ENTREP1: variants seen among roughly 807,000 people sequenced by gnomAD.
ENTREP1 encodes the protein endosomal transmembrane epsin interactor 1.
the ENTREP1 span, among the ~76,000 whole-genome samples, chr9:69,345,179 CG>C: frequency 7.9e-5 from 12 of 151,960 alleles, no homozygotes; most frequent in Non-Finnish European, 1.3e-4. Context: ...GAGGCTGGGT[CG>C]GGGTGTCAGG....
the ENTREP1 span, among the ~76,000 whole-genome samples, chr9:69,338,034 T>C: frequency 6.6e-6 from 1 of 152,222 alleles, no homozygotes; most frequent in African/African-American, 2.4e-5. Context: ...TTGATGGTCT[T>C]GAAAAACTAA....
the ENTREP1 span, among the ~76,000 whole-genome samples, chr9:69,343,486 T>C: frequency 6.6e-6 from 1 of 152,160 alleles, no homozygotes; most frequent in Non-Finnish European, 1.5e-5. Flanking sequence ...TCATCCAGGC[T>C]CCTGAGTGAA....
At chr9:69,379,606 A>G in the ENTREP1 span, 125,015 of 152,206 alleles carry the variant, frequency 0.82, 51,393 homozygotes, top group South Asian at 0.89. Flanking sequence ...ACACATTTGC[A>G]AAAATCTTAG....
At chr9:69,383,997 G>A in the ENTREP1 span, 1 of 1,613,104 alleles carries the variant, frequency 6.2e-7, no homozygotes, top group East Asian at 2.2e-5. Flanking sequence ...TGATCCCATT[G>A]GATCTGGGCT....
the ENTREP1 span, chr9:69,388,213 G>C: frequency 6.2e-7 from 1 of 1,614,040 alleles, no homozygotes; most frequent in Non-Finnish European, 8.5e-7. Context: ...GACTGGATCT[G>C]GCTGCAGTGA....
At chr9:69,375,192 G>C in the ENTREP1 span, among the ~76,000 whole-genome samples, 20 of 152,216 alleles carry the variant, frequency 1.3e-4, no homozygotes, top group African/African-American at 4.8e-4. Context: ...ACATAGGCCT[G>C]GTTTCCCACT....
the ENTREP1 span, chr9:69,325,633 C>CT: frequency 8.1e-7 from 1 of 1,231,218 alleles, no homozygotes; most frequent in Non-Finnish European, 1.0e-6. Context: ...TGATCTTGGG[C>CT]TGCTGCATGG....
At chr9:69,327,177 G>A in the ENTREP1 span, among the ~76,000 whole-genome samples, 1 of 152,152 alleles carries the variant, frequency 6.6e-6, no homozygotes, top group Non-Finnish European at 1.5e-5. Flanking sequence ...ACTTATTGGG[G>A]TACGTGCTGG....
At chr9:69,347,824 A>G in the ENTREP1 span, among the ~76,000 whole-genome samples, 2 of 152,192 alleles carry the variant, frequency 1.3e-5, no homozygotes, top group African/African-American at 4.8e-5. Flanking sequence ...TCAAGGGACC[A>G]GCTACATTAT....
At chr9:69,387,916 T>C in the ENTREP1 span, 1 of 1,450,012 alleles carries the variant, frequency 6.9e-7, no homozygotes, top group Middle Eastern at 1.8e-4. Context: ...GGCTTTACCT[T>C]GGGGGTGGTG....
chr9:69,359,381 G>C, the ENTREP1 span, among the ~76,000 whole-genome samples: 4 of 152,182 alleles, frequency 2.6e-5, no homozygotes, highest in Non-Finnish European at 5.9e-5. Context: ...ATCTTGAATT[G>C]TAATTCCCAT....
the ENTREP1 span, chr9:69,325,101 GC>G: frequency 2.0e-6 from 2 of 985,398 alleles, no homozygotes; most frequent in Non-Finnish European, 2.4e-6. Flanking sequence ...AGGCGGACCC[GC>G]CAGGCGGCAG....
the ENTREP1 span, among the ~76,000 whole-genome samples, chr9:69,332,794 C>T: frequency 2.0e-5 from 3 of 152,160 alleles, no homozygotes; most frequent in South Asian, 2.1e-4. Context: ...TTAGAAACTT[C>T]ACTCCTGGGA....
chr9:69,349,252 A>C, the ENTREP1 span, among the ~76,000 whole-genome samples: 1 of 150,952 alleles, frequency 6.6e-6, no homozygotes, highest in Admixed American at 6.6e-5. Context: ...ATTAGTGTAC[A>C]ATTTTTTTGT....
At chr9:69,333,235 AG>A in the ENTREP1 span, among the ~76,000 whole-genome samples, 1 of 150,496 alleles carries the variant, frequency 6.6e-6, no homozygotes. Flanking sequence ...TGTGTAGGTG[AG>A]GGGGGCAGAA....
the ENTREP1 span, chr9:69,383,752 A>G: frequency 6.2e-7 from 1 of 1,614,214 alleles, no homozygotes; most frequent in Non-Finnish European, 8.5e-7. Flanking sequence ...CAGATGGACC[A>G]GGAGCAGGTA....
the ENTREP1 span, chr9:69,388,502 A>G: frequency 2.2e-5 from 31 of 1,389,844 alleles, no homozygotes; most frequent in Non-Finnish European, 2.9e-5. Context: ...TTTTCATAGC[A>G]GCTAAAGTGG....
the ENTREP1 span, among the ~76,000 whole-genome samples, chr9:69,336,994 G>A: frequency 2.2e-5 from 3 of 137,808 alleles, no homozygotes; most frequent in African/African-American, 8.2e-5. Flanking sequence ...CACCAAGCCC[G>A]GCTGTTATTC....
the ENTREP1 span, chr9:69,325,597 G>T: frequency 8.1e-7 from 1 of 1,227,916 alleles, no homozygotes; most frequent in Non-Finnish European, 1.0e-6. Flanking sequence ...CCGCCCGCCC[G>T]CTGCTGTCAC....
Sources: gnomAD v4.1 joint callset for allele counts (sites outside exome capture counted in the v4.1 genomes callset) on GRCh38, gnomAD v4.1.1 for gene constraint, MANE v1.5 for transcripts, NCBI Gene and HGNC (gene_info 2026-07-23, HGNC 2026-07-21) for gene names.